The following TEX14 variants were observed in gnomAD, a reference collection of about 807,000 sequenced individuals.
TEX14 encodes testis expressed 14, intercellular bridge forming factor.
TEX14 carries 168 observed loss-of-function variants against 178.6 expected under a neutral mutation model. The observed-to-expected ratio is 0.94, with a 90% CI of 0.83 to 1.07. The LOEUF is 1.07. TEX14 is among the 50% of genes least tolerant of loss of function. The pLI, the probability that TEX14 is intolerant of heterozygous loss-of-function variation, is 0.00. For synonymous variants in TEX14, 626 were observed against 634.1 expected, an observed-to-expected ratio of 0.99 and a Z score of 0.19; for missense variants, 1,730 against 1,753.6, an observed-to-expected ratio of 0.99 and a Z score of 0.24.
intron 1 of TEX14, among the ~76,000 whole-genome samples, chr17:58,686,086 C>T (rs565324599): frequency 1.3e-5 from 2 of 151,354 alleles, no homozygotes; most frequent in East Asian, 3.9e-4. Flanking sequence ...CATGGTGGCT[C>T]GCACCTGTAA....
Position 58,593,657 on chromosome 17 carries a change from G to A in TEX14, c.2474C>T (p.Pro825Leu), listed in dbSNP as rs759416787. 13 of 1,613,536 alleles carry A rather than the reference G, an allele frequency of 8.1e-6. No homozygotes were observed. Among genetic ancestry groups the A allele is most frequent in the Middle Eastern group, 1.6e-4 (1 of 6,078 alleles). ...CTGTTTTCCAGGGTCACAAAGAGTC[G>A]GCAGCTTAAAAAGCAATAAACATGT... is the stretch of plus-strand genomic sequence containing the variant. Reference protein sequence around the residue: ...PTLPRFPRMLPTLCDPGKQNT... With the variant: ...PTLPRFPRMLLTLCDPGKQNT... The change falls in exon 15 of 32, where the codon CCG (proline) becomes CTG (leucine). Residue 825 changes from proline to leucine, a missense_variant. By Grantham distance (98) the Pro-to-Leu change is moderately conservative. Transcript: ENST00000349033.
intron 3 of TEX14, 103 bp from the exon 4 acceptor site, chr17:58,623,115 G>A (rs1435618447): frequency 7.2e-5 from 75 of 1,045,134 alleles, no homozygotes; most frequent in Non-Finnish European, 9.4e-5. Flanking sequence ...ACAAGGCAAC[G>A]TTGGTGACGA....
At chr17:58,602,363 T>C in intron 12 of TEX14, 37 bp downstream of exon 12, 4 of 1,563,820 alleles carry the variant, frequency 2.6e-6, no homozygotes, top group Non-Finnish European at 3.5e-6. Context: ...CTGAGTTAGG[T>C]AAGCAGAAAT....
chr17:58,566,773 TG>T (rs2044408517), intron 26 of TEX14, among the ~76,000 whole-genome samples: 1 of 141,514 alleles, frequency 7.1e-6, no homozygotes, highest in Admixed American at 7.3e-5. Flanking sequence ...CACTCCAGCC[TG>T]GGTGACAGAG....
chr17:58,684,630 CAAATAAATAAATAAATAAATAAAT>C (rs3031764), intron 1 of TEX14, among the ~76,000 whole-genome samples: 44 of 140,370 alleles, frequency 3.1e-4, no homozygotes, highest in South Asian at 2.3e-4. Flanking sequence ...GACCCTGTCT[CAAATAAATAAATAAATAAATAAAT>C]AAATAAATAA....
At chr17:58,580,729 G>C (rs573054934) in intron 19 of TEX14, among the ~76,000 whole-genome samples, 1 of 152,214 alleles carries the variant, frequency 6.6e-6, no homozygotes, top group East Asian at 1.9e-4. Flanking sequence ...AGGGAGGTAG[G>C]GTGGAAAATA....
chr17:58,639,821 G>T (rs1311474945), intron 2 of TEX14, among the ~76,000 whole-genome samples: 1 of 152,128 alleles, frequency 6.6e-6, no homozygotes, highest in Non-Finnish European at 1.5e-5. Context: ...CGAACGCTAG[G>T]GTCAGGTCAC....
Position 58,559,543 on chromosome 17 carries a change from G to C in TEX14, c.4177C>G (p.Gln1393Glu), listed in dbSNP as rs772252374. The change falls in exon 30 of 32, where the codon CAA becomes GAA. Residue 1393 changes from glutamine (Q) to glutamate (E), a missense_variant. This residue lies in a region of TEX14 where 941 missense variants were observed against 1,072.4 expected (regional missense o/e 0.88). Transcript: ENST00000349033. ...GSERETNIKD[Q>E]KVGEEKRKRE... is the part of the protein sequence containing the mutation. ...TTTCTTTTCTCTTCACCAACTTTTT[G>C]ATCTTTGATATTTGTCTCCCTGTAA... 13 of 1,549,838 alleles carry C rather than the reference G, an allele frequency of 8.4e-6. No homozygotes were observed. Among genetic ancestry groups the C allele is most frequent in the Non-Finnish European group, 1.2e-5 (13 of 1,124,136 alleles).
In TEX14 at chr17:58,678,368, A is replaced by T. The variant is rs138884488; in HGVS notation, c.-2+13571T>A. 7.0e-4 allele frequency among the ~76,000 whole-genome samples: 106 copies of T among 152,306 alleles called. 1 individual carries two copies. Among genetic ancestry groups the T allele is most frequent in the African/African-American group, 2.5e-3 (105 of 41,562 alleles). ...ATAAATCATGCTACTATAAAGACAC[A>T]TGCACGTGTATGCTTATTGCAGCAC... On this transcript the variant is annotated intron_variant, in intron 1 of 31. Transcript: ENST00000349033.
At chr17:58,625,129 G>T (rs1481502562) in intron 3 of TEX14, among the ~76,000 whole-genome samples, 1 of 145,790 alleles carries the variant, frequency 6.9e-6, no homozygotes, top group Non-Finnish European at 1.5e-5. Flanking sequence ...TGTTTTTTGG[G>T]TTTTTTTTTT....
chr17:58,659,429 T>C (rs2143347555), intron 1 of TEX14: 1 of 483,332 alleles, frequency 2.1e-6, no homozygotes, highest in Non-Finnish European at 2.7e-6. Flanking sequence ...ATGACACATC[T>C]CAGACTACAC....
In TEX14 at chr17:58,616,190, T is replaced by C. The variant is rs747506174; in HGVS notation, c.752A>G (p.Tyr251Cys). 1.7e-5 allele frequency: 27 copies of C among 1,613,678 alleles called. No individual in the cohort carries two copies. Among genetic ancestry groups the C allele is most frequent in the South Asian group, 2.2e-5 (2 of 91,052 alleles). The change falls in exon 7 of 32, where the codon TAC becomes TGC. Residue 251 changes from tyrosine to cysteine, a missense_variant. This residue lies in a region of TEX14 where 789 missense variants were observed against 681.2 expected (regional missense o/e 1.16). Transcript: ENST00000349033. The stretch of plus-strand genomic sequence containing the variant: ...CCCCACTTACTTGGTCATGACCATG[T>C]AGGGGCCGCTGAAGAAAGAGAAGGT... ...EPTFSFFSGP[Y>C]MVMTNLVWNG... is the part of the protein sequence containing the mutation.
In TEX14 at chr17:58,570,430, C is replaced by G. The variant is rs1471694856; in HGVS notation, c.3772G>C (p.Asp1258His). 1 of 1,523,384 alleles carries G rather than the reference C, an allele frequency of 6.6e-7. No individual in the cohort carries two copies. The highest frequency in any genetic ancestry group is 1.3e-5 in the South Asian group (1 of 75,308). The allele number at this position is 1,523,384 out of a possible 1,614,324, so 94.4% of individuals were successfully genotyped here. A position where few individuals can be genotyped will look rare whatever the true frequency, so the allele number is the denominator to read the frequency against. Residue 1258 changes from aspartate (D) to histidine (H), a missense_variant, in exon 25 of 32, where the codon GAC becomes CAC. By Grantham distance (81) the Asp-to-His change is moderately conservative (BLOSUM62 -1). Coordinates refer to ENST00000349033, the MANE Select transcript of TEX14 (RefSeq NM_031272.5). Reference protein sequence around the residue: ...AGSPSLVKACDSSPPHATQRR... With the variant: ...AGSPSLVKACHSSPPHATQRR... ...TGGGTGGCATGGGGTGGTGATGAGT[C>G]ACATGCCTTAACAAGGCTGGGGGAT... is the stretch of plus-strand genomic sequence containing the variant.
At chr17:58,574,448 C>T (rs1217654581) in intron 21 of TEX14, among the ~76,000 whole-genome samples, 199 bp from the exon 22 acceptor site, 1 of 151,896 alleles carries the variant, frequency 6.6e-6, no homozygotes, top group Non-Finnish European at 1.5e-5. Context: ...GAGGCCAAAG[C>T]GGGTGGGTCA....
chr17:58,633,792 C>T (rs2046373508), intron 2 of TEX14, among the ~76,000 whole-genome samples: 2 of 151,876 alleles, frequency 1.3e-5, no homozygotes, highest in South Asian at 4.1e-4. Flanking sequence ...CATGGTGAAA[C>T]CTCGTCTCTA....
intron 1 of TEX14, among the ~76,000 whole-genome samples, chr17:58,688,727 T>A (rs1346763987): frequency 6.6e-6 from 1 of 152,138 alleles, no homozygotes; most frequent in African/African-American, 2.4e-5. Context: ...CCGCAGCCCA[T>A]GCTGGTTTGC....
chr17:58,622,464 CCAAA>C (rs2046021778), intron 4 of TEX14, among the ~76,000 whole-genome samples: 1 of 151,634 alleles, frequency 6.6e-6, no homozygotes, highest in African/African-American at 2.4e-5. Flanking sequence ...TTCCCACCTG[CCAAA>C]CAAAGTTACT....
At chr17:58,665,054 T>C (rs1197403847) in intron 1 of TEX14, among the ~76,000 whole-genome samples, 1 of 152,150 alleles carries the variant, frequency 6.6e-6, no homozygotes, top group African/African-American at 2.4e-5. Flanking sequence ...AACTTTAAAA[T>C]AAGGAAACAG....
intron 6 of TEX14, 127 bp downstream of exon 6, chr17:58,617,411 G>A: frequency 1.5e-6 from 1 of 666,820 alleles, no homozygotes; most frequent in Non-Finnish European, 2.6e-6. Flanking sequence ...CCTCAATAGG[G>A]GCAAAAAAGA....
Sources: gnomAD v4.1 joint callset for allele counts (sites outside exome capture counted in the v4.1 genomes callset) on GRCh38, gnomAD v4.1.1 for gene constraint, gnomAD v4.1.1 regional missense constraint, MANE v1.5 for transcripts, NCBI Gene and HGNC (gene_info 2026-07-23, HGNC 2026-07-21) for gene names.